The following MTPN variants were observed in gnomAD, a reference collection of about 807,000 sequenced individuals.
The protein encoded by MTPN is myotrophin, also known as granule cell differentiation protein.
MTPN carries 2 observed loss-of-function variants against 13.5 expected under a neutral mutation model. The observed-to-expected ratio is 0.15, with a 90% CI of 0.06 to 0.47. MTPN has a LOEUF of 0.47. MTPN is among the 20% of genes least tolerant of loss of function. The probability of loss-of-function intolerance (pLI) is 0.97; values close to 1 mark genes in which losing one functional copy is unlikely to be tolerated. For missense variants in MTPN, 79 were observed against 137.9 expected (o/e 0.57, Z 2.14); for synonymous variants, 46 against 51.7 (o/e 0.89, Z 0.48).
intron 3 of MTPN, among the ~76,000 whole-genome samples, chr7:135,933,683 A>G (rs533882222): frequency 3.3e-5 from 5 of 152,236 alleles, no homozygotes; most frequent in Admixed American, 2.6e-4. Flanking sequence ...AATCCTCACA[A>G]ATGACTGAAT....
In MTPN at chr7:135,927,066, C is replaced by T. The variant is rs1798930988; in HGVS notation, c.*2860G>A. ...TTATTTATGTAGGAGGGCACTCTCA[C>T]CAGCTTCTTCTATACACAATTGAGT... is the stretch of plus-strand genomic sequence containing the variant. On this transcript the variant is annotated 3_prime_UTR_variant, in exon 4 of 4. Coordinates refer to ENST00000393085, the MANE Select transcript of MTPN (RefSeq NM_145808.4). The T allele has an allele frequency of 1.1e-5, 4 of 355,874 alleles. No individual in the cohort carries two copies. In the South Asian group the frequency reaches 3.9e-4, roughly 35 times the overall value. The allele number at this position is 355,874 out of a possible 1,614,324, so 22.0% of individuals were successfully genotyped here.
intron 3 of MTPN, among the ~76,000 whole-genome samples, chr7:135,939,207 G>A (rs1799162359): frequency 6.6e-6 from 1 of 152,022 alleles, no homozygotes; most frequent in Admixed American, 6.5e-5. Flanking sequence ...TGAAGACTTC[G>A]AAAAACGTAA....
At chr7:135,969,089 G>C (rs201338460) in intron 1 of MTPN, among the ~76,000 whole-genome samples, 3 of 22,950 alleles carry the variant, frequency 1.3e-4, no homozygotes, top group East Asian at 1.6e-3. Context: ...GTTGTGGGGT[G>C]GGGGGGGGGG....
At chr7:135,948,263 C>T (rs1184025873) in intron 3 of MTPN, among the ~76,000 whole-genome samples, 4 of 151,978 alleles carry the variant, frequency 2.6e-5, no homozygotes, top group Non-Finnish European at 5.9e-5. Context: ...ATAATAAAAT[C>T]AAAGTAATTA....
Position 135,929,285 on chromosome 7 carries a change from T to G in MTPN, c.*641A>C, listed in dbSNP as rs1798976566. On this transcript the variant is annotated 3_prime_UTR_variant, in exon 4 of 4. Transcript: ENST00000393085. ...TTTATCTAAAGAGACATGAAATCCATGTGAAAGGGGAGAGAAAATCCAAAG... is the reference window on the plus strand; with the variant it reads ...TTTATCTAAAGAGACATGAAATCCAGGTGAAAGGGGAGAGAAAATCCAAAG... 1 of 167,038 alleles carries G rather than the reference T, an allele frequency of 6.0e-6. No homozygotes were observed. The highest frequency in any genetic ancestry group is 1.5e-5 in the Non-Finnish European group (1 of 68,100). 10.3% of individuals were successfully genotyped at this position (167,038 alleles called of 1,614,324 possible).
At position 135,977,090 on chromosome 7, in the gene MTPN, T is replaced by C. The variant is rs767478467; in HGVS notation, c.11A>G (p.Lys4Arg). The C allele has an allele frequency of 9.9e-6, 16 of 1,614,162 alleles. No homozygotes were observed. The highest frequency in any genetic ancestry group is 2.2e-5 in the East Asian group (1 of 44,890). The change falls in exon 1 of 4, where the codon AAG (lysine) becomes AGG (arginine). Residue 4 changes from lysine (K) to arginine (R), a missense_variant. Coordinates refer to ENST00000393085, the MANE Select transcript of MTPN (RefSeq NM_145808.4). MCD[K>R]EFMWALKNGD... ...GTTTTTCAGGGCCCACATGAACTCC[T>C]TGTCGCACATCACTGCAGCGGGGCA...
At chr7:135,931,386 G>GC (rs1195068654) in intron 3 of MTPN, among the ~76,000 whole-genome samples, 1 of 152,164 alleles carries the variant, frequency 6.6e-6, no homozygotes, top group Non-Finnish European at 1.5e-5. Flanking sequence ...AAATGCCTGA[G>GC]CTGAGTCTTG....
intron 1 of MTPN, among the ~76,000 whole-genome samples, chr7:135,969,943 T>C (rs1310731240): frequency 6.6e-6 from 1 of 152,226 alleles, no homozygotes; most frequent in African/African-American, 2.4e-5. Context: ...CCCAGTGCTG[T>C]TGATGGTGTG....
intron 1 of MTPN, among the ~76,000 whole-genome samples, chr7:135,956,936 G>A (rs983531793): frequency 1.3e-5 from 2 of 151,942 alleles, no homozygotes; most frequent in Non-Finnish European, 2.9e-5. Flanking sequence ...GTGTTTCACC[G>A]TCCACTCTAA....
intron 3 of MTPN, among the ~76,000 whole-genome samples, chr7:135,941,738 T>C (rs1799212976): frequency 6.6e-6 from 1 of 152,176 alleles, no homozygotes; most frequent in South Asian, 2.1e-4. Flanking sequence ...AATATCACTA[T>C]AGCAATCATA....
rs1276572601 is a variant in MTPN, at chr7:135,935,788, C to T, written c.271-5776G>A. On this transcript the variant is annotated intron_variant, in intron 3 of 3. Transcript: ENST00000393085. ...AACAACGTACTGTACTCTAATACAT[C>T]ATGGTTTCTTTCTTGTCCCTGTGAC... Among the ~76,000 whole-genome samples, 3 of 152,116 alleles carry T rather than the reference C, an allele frequency of 2.0e-5. No homozygotes were observed. The East Asian group carries it at 5.8e-4, about 29-fold the overall frequency.
chr7:135,929,761 A>ATT lies in MTPN; in HGVS notation c.*163_*164dup. The stretch of plus-strand genomic sequence containing the variant: ...TTCCTTTTGCCCCTCCTCCAAAACA[A>ATT]TTTTTTTTTTCTGGTAGTCGGATTT... On this transcript the variant is annotated 3_prime_UTR_variant, in exon 4 of 4. Transcript: ENST00000393085. The ATT allele has an allele frequency of 1.9e-5, 12 of 624,380 alleles. No individual in the cohort carries two copies. The highest frequency in any genetic ancestry group is 4.2e-5 in the South Asian group (2 of 47,484). 38.7% of individuals were successfully genotyped at this position (624,380 alleles called of 1,614,324 possible). A position where few individuals can be genotyped will look rare whatever the true frequency, so the allele number is the denominator to read the frequency against.
intron 1 of MTPN, among the ~76,000 whole-genome samples, chr7:135,969,949 G>C (rs1391629854): frequency 6.6e-6 from 1 of 152,182 alleles, no homozygotes; most frequent in Non-Finnish European, 1.5e-5. Context: ...GCTGTTGATG[G>C]TGTGAGGGAA....
At chr7:135,975,256 C>T (rs939429371) in intron 1 of MTPN, among the ~76,000 whole-genome samples, 1 of 152,138 alleles carries the variant, frequency 6.6e-6, no homozygotes, top group African/African-American at 2.4e-5. Flanking sequence ...ATTCTTTGGG[C>T]ACAATTTACC....
At chr7:135,967,566 T>C (rs1799624892) in intron 1 of MTPN, among the ~76,000 whole-genome samples, 2 of 152,162 alleles carry the variant, frequency 1.3e-5, no homozygotes, top group South Asian at 4.1e-4. Flanking sequence ...GCTTTCACAC[T>C]TAATTTTTCC....
rs1798980142 is a variant in MTPN at position 135,929,439 on chromosome 7, A to G, written c.*487T>C. 1 of 169,188 alleles carries G rather than the reference A, an allele frequency of 5.9e-6. No homozygotes were observed. Among genetic ancestry groups the G allele is most frequent in the Admixed American group, 6.3e-5 (1 of 15,752 alleles). The allele number at this position is 169,188 out of a possible 1,614,324, so 10.5% of individuals were successfully genotyped here. On this transcript the variant is annotated 3_prime_UTR_variant, in exon 4 of 4. Coordinates refer to ENST00000393085, the MANE Select transcript of MTPN (RefSeq NM_145808.4). Reference sequence around the variant, plus strand: ...GCAGCGCTCTTAACTATGCCAGGAAATCCCCAGTAGAGTGCATTCTTAAGG... The same window carrying G: ...GCAGCGCTCTTAACTATGCCAGGAAGTCCCCAGTAGAGTGCATTCTTAAGG...
chr7:135,939,812 G>A (rs1422452422), intron 3 of MTPN, among the ~76,000 whole-genome samples: 1 of 152,034 alleles, frequency 6.6e-6, no homozygotes, highest in African/African-American at 2.4e-5. Flanking sequence ...GCTCCATGAA[G>A]GAAGGGGTCC....
chr7:135,939,586 G>GA (rs1314924902), intron 3 of MTPN, among the ~76,000 whole-genome samples: 1 of 108,742 alleles, frequency 9.2e-6, no homozygotes, highest in Non-Finnish European at 2.0e-5. Context: ...CGGGGGGGGG[G>GA]GGCGGGTGCG....
intron 3 of MTPN, among the ~76,000 whole-genome samples, chr7:135,931,300 G>A (rs1167332873): frequency 2.0e-5 from 3 of 152,164 alleles, no homozygotes; most frequent in African/African-American, 7.2e-5. Context: ...AACAGTAACA[G>A]GGATGAGTGG....
Sources: allele counts gnomAD v4.1 joint callset (sites outside exome capture counted in the v4.1 genomes callset), GRCh38; gene constraint gnomAD v4.1.1; transcripts MANE v1.5; gene names NCBI Gene and HGNC (gene_info 2026-07-23, HGNC 2026-07-21).